Variants in BNC2 observed in about 807,000 individuals in gnomAD.
BNC2 encodes the protein zinc finger protein basonuclin-2.
In BNC2, 20 loss-of-function variants were observed where a neutral mutation model predicts 76.3. The ratio of observed to expected loss-of-function variants is 0.26; its 90% CI spans 0.18 to 0.38. BNC2 has a LOEUF of 0.38. BNC2 is among the 10% of genes least tolerant of loss of function. The pLI is 1.00. For missense variants in BNC2, 1,382 were observed against 1,399.8 expected (o/e 0.99, Z 0.20); for synonymous variants, 582 against 514.8 (o/e 1.13, Z -1.77).
At chr9:16,780,789 CTAG>C (rs1321176083) in intron 1 of BNC2, among the ~76,000 whole-genome samples, 1 of 152,002 alleles carries the variant, frequency 6.6e-6, no homozygotes, top group Non-Finnish European at 1.5e-5. Context: ...CAAGTGGCTT[CTAG>C]TATTAAGATA....
At chr9:16,810,891 A>G (rs1177063516) in intron 1 of BNC2, among the ~76,000 whole-genome samples, 1 of 152,096 alleles carries the variant, frequency 6.6e-6, no homozygotes, top group Non-Finnish European at 1.5e-5. Context: ...AAATCTCCCC[A>G]AATTTTTTTT....
intron 5 of BNC2, among the ~76,000 whole-genome samples, chr9:16,458,706 T>C (rs994669087): frequency 6.6e-5 from 10 of 152,246 alleles, no homozygotes; most frequent in African/African-American, 1.4e-4. Context: ...AAATATGTAT[T>C]ACAGAAAGGG....
At chr9:16,688,261 A>G (rs1347092332) in intron 3 of BNC2, among the ~76,000 whole-genome samples, 1 of 152,216 alleles carries the variant, frequency 6.6e-6, no homozygotes, top group Non-Finnish European at 1.5e-5. Context: ...GTACTAAGGA[A>G]GATACAAAAG....
chr9:16,536,457 A>G (rs1195534933), intron 5 of BNC2, among the ~76,000 whole-genome samples: 2 of 152,150 alleles, frequency 1.3e-5, no homozygotes, highest in South Asian at 2.1e-4. Context: ...TTTTTATTCT[A>G]TCTAAATGTA....
chr9:16,443,156 T>C (rs1411070437), intron 5 of BNC2, among the ~76,000 whole-genome samples: 1 of 151,790 alleles, frequency 6.6e-6, no homozygotes, highest in African/African-American at 2.4e-5. Context: ...TAAGGTATAA[T>C]TTAATGGAAA....
intron 3 of BNC2, among the ~76,000 whole-genome samples, chr9:16,625,203 T>C (rs915413550): frequency 7.9e-5 from 12 of 152,362 alleles, no homozygotes; most frequent in African/African-American, 2.6e-4. Flanking sequence ...AAAAAAATGC[T>C]GTGCTTTCTT....
At chr9:16,558,545 TCTCA>T (rs1818908315) in intron 4 of BNC2, among the ~76,000 whole-genome samples, 2 of 152,220 alleles carry the variant, frequency 1.3e-5, no homozygotes, top group Non-Finnish European at 2.9e-5. Flanking sequence ...TCTGCCATTT[TCTCA>T]CTGTCTACTT....
At chr9:16,618,378 A>G (rs1308466934) in intron 3 of BNC2, among the ~76,000 whole-genome samples, 1 of 152,188 alleles carries the variant, frequency 6.6e-6, no homozygotes, top group Non-Finnish European at 1.5e-5. Context: ...TGCTTTTTAG[A>G]TGATGAACCT....
intron 3 of BNC2, among the ~76,000 whole-genome samples, chr9:16,701,825 CA>C (rs1386434763): frequency 6.8e-6 from 1 of 147,264 alleles, no homozygotes; most frequent in Non-Finnish European, 1.5e-5. Context: ...ACCTGTAATC[CA>C]AGCTACTCAG....
intron 1 of BNC2, among the ~76,000 whole-genome samples, chr9:16,794,207 C>T (rs78886741): frequency 0.021 from 3,160 of 152,180 alleles, 108 homozygotes; most frequent in African/African-American, 0.072. Flanking sequence ...ACATTTCAAG[C>T]AGTGATGTGT....
At chr9:16,534,930 G>A (rs779059246) in intron 5 of BNC2, among the ~76,000 whole-genome samples, 6 of 152,164 alleles carry the variant, frequency 3.9e-5, no homozygotes, top group Non-Finnish European at 8.8e-5. Flanking sequence ...AGATGAAAAT[G>A]TGGATGAATC....
At chr9:16,606,756 C>G (rs1264365947) in intron 3 of BNC2, among the ~76,000 whole-genome samples, 1 of 152,162 alleles carries the variant, frequency 6.6e-6, no homozygotes, top group Non-Finnish European at 1.5e-5. Context: ...CGAGGTTTCG[C>G]CACGTTGGCC....
chr9:16,780,248 A>AC (rs1563939943), intron 1 of BNC2, among the ~76,000 whole-genome samples: 3 of 133,092 alleles, frequency 2.3e-5, no homozygotes, highest in South Asian at 2.3e-4. Flanking sequence ...AAAAAAAAAA[A>AC]AAAAAAAACA....
chr9:16,672,314 G>C (rs944398307), intron 3 of BNC2, among the ~76,000 whole-genome samples: 4 of 152,228 alleles, frequency 2.6e-5, no homozygotes, highest in Middle Eastern at 3.4e-3. Context: ...TGGCTAACAC[G>C]GTGAAACCCC....
chr9:16,662,166 G>A (rs973964580), intron 3 of BNC2, among the ~76,000 whole-genome samples: 1 of 152,184 alleles, frequency 6.6e-6, no homozygotes, highest in African/African-American at 2.4e-5. Flanking sequence ...ATTAGTTCAT[G>A]AGTCTACTTT....
intron 3 of BNC2, among the ~76,000 whole-genome samples, chr9:16,624,541 T>C (rs1163687011): frequency 6.6e-6 from 1 of 152,182 alleles, no homozygotes; most frequent in Non-Finnish European, 1.5e-5. Context: ...GTCTGCTGCA[T>C]TCCGCTAAGA....
At chr9:16,841,734 A>C (rs541016180) in intron 1 of BNC2, among the ~76,000 whole-genome samples, 1 of 152,364 alleles carries the variant, frequency 6.6e-6, no homozygotes, top group South Asian at 2.1e-4. Context: ...ATCCATGAAA[A>C]GAGCTGCATG....
rs1210097901 is a variant in BNC2, at chr9:16,667,105, ACACG to A, written c.330+60688_330+60691del. Among the ~76,000 whole-genome samples, 22 of 151,194 alleles carry A rather than the reference ACACG, an allele frequency of 1.5e-4. 1 individual carries two copies. The South Asian group carries it at 4.0e-3, about 27-fold the overall frequency. ...TACACACACACACACACACACACAC[ACACG>A]CACACACGCACACACGCCGATGTTA... On this transcript the variant is annotated intron_variant, in intron 3 of 6. Coordinates refer to ENST00000380672, the MANE Select transcript of BNC2 (RefSeq NM_017637.6).
chr9:16,500,008 C>G (rs914848866), intron 5 of BNC2, among the ~76,000 whole-genome samples: 30 of 151,894 alleles, frequency 2.0e-4, no homozygotes, highest in Admixed American at 1.7e-3. Flanking sequence ...AATGGGGCCC[C>G]ATTTCATAGC....
Sources: allele counts gnomAD v4.1 joint callset (sites outside exome capture counted in the v4.1 genomes callset), GRCh38; gene constraint gnomAD v4.1.1; transcripts MANE v1.5; gene names NCBI Gene and HGNC (gene_info 2026-07-23, HGNC 2026-07-21).